The following CDH13 variants were observed in gnomAD, a reference collection of about 807,000 sequenced individuals.
CDH13 encodes cadherin-13.
CDH13 carries 24 observed loss-of-function variants against 63.8 expected under a neutral mutation model. That is an observed-to-expected ratio of 0.38 (90% CI 0.27 to 0.53). The LOEUF is 0.53. Among genes scored for constraint, CDH13 ranks in the 20% least tolerant of loss-of-function variants. The pLI, the probability that CDH13 is intolerant of heterozygous loss-of-function variation, is 0.85. For missense variants in CDH13, 1,049 were observed against 903.1 expected, an observed-to-expected ratio of 1.16 and a Z score of -2.07; for synonymous variants, 503 against 355.3, an observed-to-expected ratio of 1.42 and a Z score of -4.67.
chr16:83,031,515 T>C (rs1372105843), intron 2 of CDH13, among the ~76,000 whole-genome samples: 1 of 151,550 alleles, frequency 6.6e-6, no homozygotes, highest in Non-Finnish European at 1.5e-5. Flanking sequence ...CCTGAATCTG[T>C]TTTGCTATTT....
At chr16:82,924,592 C>G (rs764215444) in intron 2 of CDH13, among the ~76,000 whole-genome samples, 1 of 151,990 alleles carries the variant, frequency 6.6e-6, no homozygotes, top group Admixed American at 6.6e-5. Context: ...TAGCACCTTA[C>G]GAAAAGCCAC....
intron 3 of CDH13, among the ~76,000 whole-genome samples, chr16:83,099,314 A>G (rs2151597946): frequency 6.6e-6 from 1 of 152,176 alleles, no homozygotes; most frequent in South Asian, 2.1e-4. Flanking sequence ...AGGTAGTATG[A>G]TAATCTTCAT....
chr16:82,898,788 A>T (rs568444219), intron 2 of CDH13, among the ~76,000 whole-genome samples: 1 of 152,306 alleles, frequency 6.6e-6, no homozygotes, highest in South Asian at 2.1e-4. Context: ...AGCTTCATCC[A>T]GTTATTTGGG....
intron 1 of CDH13, among the ~76,000 whole-genome samples, chr16:82,795,679 C>G (rs572269552): frequency 1.3e-5 from 2 of 152,212 alleles, no homozygotes; most frequent in Non-Finnish European, 2.9e-5. Context: ...TATCTGTAGA[C>G]CCTCCACTCT....
intron 6 of CDH13, among the ~76,000 whole-genome samples, chr16:83,480,003 A>T (rs1423539087): frequency 6.6e-6 from 1 of 152,208 alleles, no homozygotes; most frequent in African/African-American, 2.4e-5. Flanking sequence ...TGCCTCCAAC[A>T]ACCCATGAGA....
intron 3 of CDH13, among the ~76,000 whole-genome samples, chr16:83,084,991 G>A (rs1397687004): frequency 6.6e-6 from 1 of 152,216 alleles, no homozygotes; most frequent in African/African-American, 2.4e-5. Flanking sequence ...ACAGTGCTAT[G>A]AGAAATTCAG....
chr16:83,409,445 T>G (rs2092095398), intron 6 of CDH13, among the ~76,000 whole-genome samples: 1 of 152,124 alleles, frequency 6.6e-6, no homozygotes, highest in Admixed American at 6.5e-5. Flanking sequence ...GGGCTATGAC[T>G]AGGGTATCAG....
chr16:82,701,391 G>T (rs542508949), intron 1 of CDH13, among the ~76,000 whole-genome samples: 1 of 152,174 alleles, frequency 6.6e-6, no homozygotes, highest in African/African-American at 2.4e-5. Context: ...ATTTCTGTGT[G>T]CTCCTTCTTC....
rs1418204969 is a variant in CDH13 at position 83,047,161 on chromosome 16, A to G, written c.366+14943A>G. Among the ~76,000 whole-genome samples, 1 of 152,220 alleles carries G rather than the reference A, an allele frequency of 6.6e-6. No homozygotes were observed. The highest frequency in any genetic ancestry group is 6.5e-5 in the Admixed American group (1 of 15,282). ...TAGTAGTTCTCCGTGAGACCCAAGG[A>G]AAGGTCTGCAGACTATAAGCAGACT... On this transcript the variant is annotated intron_variant, in intron 3 of 13. Coordinates refer to ENST00000567109, the MANE Select transcript of CDH13 (RefSeq NM_001257.5). The surrounding 1 kb of genome is among the most constrained non-coding windows in gnomAD (Gnocchi z 4.9).
intron 7 of CDH13, among the ~76,000 whole-genome samples, chr16:83,594,702 C>T (rs1250072675): frequency 1.3e-5 from 2 of 152,194 alleles, no homozygotes; most frequent in Non-Finnish European, 2.9e-5. Flanking sequence ...AAACCTTTTT[C>T]CACATCACAT....
At chr16:82,956,862 C>A (rs958538828) in intron 2 of CDH13, among the ~76,000 whole-genome samples, 1 of 152,170 alleles carries the variant, frequency 6.6e-6, no homozygotes, top group Non-Finnish European at 1.5e-5. Flanking sequence ...ATTCAAATGT[C>A]AGTGGCTTCA....
chr16:83,754,331 G>A (rs1486063015), intron 11 of CDH13, among the ~76,000 whole-genome samples: 2 of 152,196 alleles, frequency 1.3e-5, no homozygotes, highest in Non-Finnish European at 2.9e-5. Flanking sequence ...GAGCCTTTCA[G>A]ACTAAGATAC....
chr16:83,276,997 G>A (rs367779151), intron 5 of CDH13, among the ~76,000 whole-genome samples: 25 of 152,208 alleles, frequency 1.6e-4, no homozygotes, highest in African/African-American at 5.3e-4. Context: ...AGAACAACAT[G>A]GGAAAGACCT....
At chr16:82,805,624 A>G (rs2037103165) in intron 1 of CDH13, among the ~76,000 whole-genome samples, 1 of 152,160 alleles carries the variant, frequency 6.6e-6, no homozygotes, top group African/African-American at 2.4e-5. Context: ...TGTGAGTCAG[A>G]GTCAAAGTCA....
intron 1 of CDH13, among the ~76,000 whole-genome samples, chr16:82,651,241 C>G (rs905276765): frequency 6.6e-6 from 1 of 152,200 alleles, no homozygotes; most frequent in Non-Finnish European, 1.5e-5. Context: ...GTCTACATAT[C>G]AGGCACCCAG....
chr16:83,571,899 C>T (rs1396311724), intron 7 of CDH13, among the ~76,000 whole-genome samples: 3 of 151,042 alleles, frequency 2.0e-5, no homozygotes, highest in African/African-American at 7.4e-5. Flanking sequence ...CAGAACTTAG[C>T]AGTCGCTCTG....
At chr16:83,229,730 T>A (rs1276694799) in intron 5 of CDH13, among the ~76,000 whole-genome samples, 1 of 152,148 alleles carries the variant, frequency 6.6e-6, no homozygotes, top group Non-Finnish European at 1.5e-5. Flanking sequence ...TTAAGTAAAA[T>A]CCACCTTTTC....
chr16:82,973,514 G>A (rs544294188), intron 2 of CDH13, among the ~76,000 whole-genome samples: 1 of 152,252 alleles, frequency 6.6e-6, no homozygotes, highest in Non-Finnish European at 1.5e-5. Flanking sequence ...GCTCTTGAAA[G>A]ATACAAAGGA....
chr16:83,278,200 G>C (rs936472255), intron 5 of CDH13, among the ~76,000 whole-genome samples: 1 of 152,102 alleles, frequency 6.6e-6, no homozygotes, highest in Non-Finnish European at 1.5e-5. Context: ...AATCCATCTG[G>C]ATTTTTAAAA....
Sources: gnomAD v4.1 joint callset for allele counts (sites outside exome capture counted in the v4.1 genomes callset) on GRCh38, gnomAD v4.1.1 for gene constraint, Gnocchi (gnomAD v3.1) non-coding constraint, MANE v1.5 for transcripts, NCBI Gene and HGNC (gene_info 2026-07-23, HGNC 2026-07-21) for gene names.